RERG: variants seen among roughly 807,000 people sequenced by gnomAD.
RERG encodes the protein RAS like estrogen regulated growth inhibitor.
Under a neutral mutation model 23.2 loss-of-function variants are expected in RERG, and 25 were observed. The ratio of observed to expected loss-of-function variants is 1.08; its 90% CI spans 0.79 to 1.50. The LOEUF (loss-of-function observed/expected upper bound fraction) is 1.50. Among genes scored for constraint, RERG ranks in the 40% most tolerant of loss-of-function variants. RERG has a pLI of 0.00. For synonymous variants in RERG, 81 were observed against 89.1 expected, an observed-to-expected ratio of 0.91 and a Z score of 0.51; for missense variants, 253 against 250.1, an observed-to-expected ratio of 1.01 and a Z score of -0.08.
At chr12:15,137,073 T>G (rs1864156165) in intron 2 of RERG, among the ~76,000 whole-genome samples, 1 of 151,878 alleles carries the variant, frequency 6.6e-6, no homozygotes, top group Non-Finnish European at 1.5e-5. Context: ...TCACACATTT[T>G]AATATATGGG....
chr12:15,125,834 G>C (rs1023042402), intron 2 of RERG, among the ~76,000 whole-genome samples: 1 of 151,704 alleles, frequency 6.6e-6, no homozygotes, highest in South Asian at 2.1e-4. Flanking sequence ...GCTCTATTCA[G>C]TTAGGCATTA....
chr12:15,196,177 G>A (rs1442738729), intron 2 of RERG, among the ~76,000 whole-genome samples: 1 of 152,108 alleles, frequency 6.6e-6, no homozygotes, highest in Non-Finnish European at 1.5e-5. Flanking sequence ...TGTTGAACTG[G>A]ATTCATGTTA....
intron 2 of RERG, among the ~76,000 whole-genome samples, chr12:15,195,029 T>C (rs951840144): frequency 6.6e-6 from 1 of 152,080 alleles, no homozygotes; most frequent in African/African-American, 2.4e-5. Context: ...GCAAACACTT[T>C]GTGGAAAGGT....
intron 2 of RERG, among the ~76,000 whole-genome samples, chr12:15,213,405 C>T (rs1210338038): frequency 2.0e-5 from 3 of 152,172 alleles, no homozygotes; most frequent in Admixed American, 6.5e-5. Flanking sequence ...ATTATTAGTG[C>T]TTCACCCTTA....
At position 15,146,156 on chromosome 12, in the gene RERG, T is replaced by C. The variant is rs1382486814; in HGVS notation, c.62-25037A>G. Among the ~76,000 whole-genome samples the C allele has an allele frequency of 3.9e-5, 6 of 152,300 alleles. No homozygotes were observed. In the South Asian group the frequency reaches 1.2e-3, roughly 32 times the overall value. ...TAAAATGAAATGCCTTACAAGACTG[T>C]TGTGATTATCAAATGCCATAATACA... On this transcript the variant is annotated intron_variant, in intron 2 of 4. Transcript: ENST00000256953.
intron 2 of RERG, among the ~76,000 whole-genome samples, chr12:15,166,290 T>C (rs369155202): frequency 6.6e-6 from 1 of 152,228 alleles, no homozygotes; most frequent in Non-Finnish European, 1.5e-5. Flanking sequence ...CCTCATGGGC[T>C]TGCAAGATTC....
chr12:15,196,507 C>G (rs10492167), intron 2 of RERG, among the ~76,000 whole-genome samples: 22,725 of 152,120 alleles, frequency 0.15, 2,505 homozygotes, highest in African/African-American at 0.31. Flanking sequence ...CCGTGTTCAA[C>G]GTCTAAGCCC....
chr12:15,210,708 G>C (rs1391466794), intron 2 of RERG, among the ~76,000 whole-genome samples: 1 of 152,054 alleles, frequency 6.6e-6, no homozygotes, highest in African/African-American at 2.4e-5. Flanking sequence ...CATATACGTA[G>C]GCATATACCT....
At chr12:15,111,444 CAA>C in intron 3 of RERG, 27 bp from the exon 4 acceptor site, 1 of 1,548,792 alleles carries the variant, frequency 6.5e-7, no homozygotes. Context: ...ATAAAAAAGA[CAA>C]AAAGATAAAT....
chr12:15,188,442 C>T (rs1380992310), intron 2 of RERG, among the ~76,000 whole-genome samples: 1 of 152,074 alleles, frequency 6.6e-6, no homozygotes, highest in African/African-American at 2.4e-5. Context: ...CTCTTTGGAT[C>T]GTCATGCATG....
At position 15,115,141 on chromosome 12, in the gene RERG, T is replaced by C. The variant is rs138926152; in HGVS notation, c.119-3724A>G. Reference sequence around the variant, plus strand: ...AAAAGTTATTTAAATTTAAAATATATATACACAGAACACTATTTTTCCTAA... The same window carrying C: ...AAAAGTTATTTAAATTTAAAATATACATACACAGAACACTATTTTTCCTAA... On this transcript the variant is annotated intron_variant, in intron 3 of 4. Coordinates refer to ENST00000256953, the MANE Select transcript of RERG (RefSeq NM_032918.3). Among the ~76,000 whole-genome samples, 6 of 151,936 alleles carry C rather than the reference T, an allele frequency of 3.9e-5. No homozygotes were observed. In the East Asian group the frequency reaches 1.2e-3, roughly 29 times the overall value.
chr12:15,205,816 C>T (rs1865275943), intron 2 of RERG, among the ~76,000 whole-genome samples: 1 of 152,026 alleles, frequency 6.6e-6, no homozygotes, highest in Non-Finnish European at 1.5e-5. Context: ...ACAGTGGAAA[C>T]TTAGGAACTT....
At chr12:15,112,893 G>A (rs142602662) in intron 3 of RERG, among the ~76,000 whole-genome samples, 1 of 152,066 alleles carries the variant, frequency 6.6e-6, no homozygotes, top group Non-Finnish European at 1.5e-5. Context: ...GGAACTAGCA[G>A]GACGCATGAG....
chr12:15,153,132 T>C (rs1233238053), intron 2 of RERG, among the ~76,000 whole-genome samples: 1 of 152,136 alleles, frequency 6.6e-6, no homozygotes, highest in Non-Finnish European at 1.5e-5. Flanking sequence ...ATGGAAAAAA[T>C]GTGACTTGTT....
chr12:15,147,967 A>C (rs991256496), intron 2 of RERG, among the ~76,000 whole-genome samples: 48 of 152,200 alleles, frequency 3.2e-4, no homozygotes, highest in African/African-American at 1.1e-3. Flanking sequence ...CCACTTACAG[A>C]GTGGTTAGAC....
At chr12:15,220,442 A>G (rs1420960724) in intron 1 of RERG, among the ~76,000 whole-genome samples, 1 of 152,190 alleles carries the variant, frequency 6.6e-6, no homozygotes, top group African/African-American at 2.4e-5. Context: ...CCACACTTTC[A>G]CGCTATGCAC....
chr12:15,187,825 C>T (rs1040988774), intron 2 of RERG, among the ~76,000 whole-genome samples: 1 of 152,018 alleles, frequency 6.6e-6, no homozygotes, highest in Non-Finnish European at 1.5e-5. Context: ...TCCCAAAGTG[C>T]TGGGATTACA....
chr12:15,193,820 G>C (rs1018221320), intron 2 of RERG, among the ~76,000 whole-genome samples: 2 of 152,142 alleles, frequency 1.3e-5, no homozygotes, highest in African/African-American at 4.8e-5. Context: ...TTGCAAATGA[G>C]AGAAATCTGC....
intron 2 of RERG, among the ~76,000 whole-genome samples, chr12:15,164,525 A>G (rs1184590996): frequency 1.3e-5 from 2 of 152,164 alleles, no homozygotes; most frequent in Non-Finnish European, 2.9e-5. Context: ...GCCACCTATT[A>G]GACGTCCTGT....
Sources: gnomAD v4.1 joint callset for allele counts (sites outside exome capture counted in the v4.1 genomes callset) on GRCh38, gnomAD v4.1.1 for gene constraint, MANE v1.5 for transcripts, NCBI Gene and HGNC (gene_info 2026-07-23, HGNC 2026-07-21) for gene names.